The following SLC17A1 variants were observed in gnomAD, a reference collection of about 807,000 sequenced individuals.
SLC17A1 encodes the protein solute carrier family 17 member 1, also known as sodium-dependent phosphate transport protein 1.
SLC17A1 carries 51 observed loss-of-function variants against 53.5 expected under a neutral mutation model. The ratio of observed to expected loss-of-function variants is 0.95; its 90% CI spans 0.76 to 1.20. SLC17A1 has a LOEUF of 1.20. SLC17A1 is among the 50% of genes most tolerant of loss of function. The pLI, the probability that SLC17A1 is intolerant of heterozygous loss-of-function variation, is 0.00. For synonymous variants in SLC17A1, 179 were observed against 198.8 expected (o/e 0.90, Z 0.84); for missense variants, 538 against 568.2 (o/e 0.95, Z 0.54).
At chr6:25,813,267 T>C in intron 6 of SLC17A1, 54 bp from the exon 7 acceptor site, 1 of 1,402,672 alleles carries the variant, frequency 7.1e-7, no homozygotes, top group Non-Finnish European at 1.0e-6. Flanking sequence ...GTGGATCTCT[T>C]TCCCAGAATG....
the SLC17A1 span, among the ~76,000 whole-genome samples, chr6:25,756,426 C>T: frequency 6.6e-6 from 1 of 152,178 alleles, no homozygotes; most frequent in African/African-American, 2.4e-5. Flanking sequence ...CCCTCCTCTC[C>T]TGATGCTAAT....
At chr6:25,726,868 T>G in the SLC17A1 span, 1 of 1,573,250 alleles carries the variant, frequency 6.4e-7, no homozygotes, top group Non-Finnish European at 8.6e-7. Context: ...TGTGTAACCC[T>G]GGAAAAGAAC....
At position 25,811,510 on chromosome 6, in the gene SLC17A1, G is replaced by C; in HGVS notation, c.1066C>G (p.Pro356Ala). ...LLPAIFGVCL[P>A]YLSSTFYSIV... ...CTGTAGAAGGTGGAACTCAGGTAAGGCAGGCAGACACCAAAGATTGCAGGA... is the reference window on the plus strand; with the variant it reads ...CTGTAGAAGGTGGAACTCAGGTAAGCCAGGCAGACACCAAAGATTGCAGGA... Residue 356 changes from proline to alanine, a missense_variant, in exon 10 of 13, where the codon CCT (proline) becomes GCT (alanine). Transcript: ENST00000244527. The C allele has an allele frequency of 6.2e-7, 1 of 1,613,966 alleles. No individual in the cohort carries two copies. The highest frequency in any genetic ancestry group is 8.5e-7 in the Non-Finnish European group (1 of 1,179,906).
chr6:25,727,388 T>C, the SLC17A1 span: 5 of 1,085,922 alleles, frequency 4.6e-6, no homozygotes, highest in South Asian at 7.2e-5. Flanking sequence ...GTGTAGTTTC[T>C]AACCGTAAGG....
chr6:25,726,259 T>C, the SLC17A1 span: 31 of 1,614,004 alleles, frequency 1.9e-5, no homozygotes, highest in Admixed American at 2.0e-4. Context: ...TTCCTCATCA[T>C]TGCGGATCGC....
chr6:25,736,444 C>A, the SLC17A1 span, among the ~76,000 whole-genome samples: 4 of 151,918 alleles, frequency 2.6e-5, no homozygotes, highest in African/African-American at 4.8e-5. Context: ...TCAGGGTGTG[C>A]CAGAAGGGAT....
At chr6:25,777,370 G>A in the SLC17A1 span, 1 of 169,080 alleles carries the variant, frequency 5.9e-6, no homozygotes, top group Non-Finnish European at 1.3e-5. Flanking sequence ...AAAAACAGTT[G>A]ACTGAGACTT....
chr6:25,752,490 A>T, the SLC17A1 span, among the ~76,000 whole-genome samples: 6 of 152,168 alleles, frequency 3.9e-5, no homozygotes, highest in Non-Finnish European at 7.3e-5. Context: ...AGACTTTGTA[A>T]ACACTGTGCA....
chr6:25,752,633 C>T, the SLC17A1 span, among the ~76,000 whole-genome samples: 1 of 152,184 alleles, frequency 6.6e-6, no homozygotes, highest in East Asian at 1.9e-4. Flanking sequence ...GCTTAAAACA[C>T]AAACATATTG....
chr6:25,775,331 T>TA, the SLC17A1 span, among the ~76,000 whole-genome samples: 129,034 of 147,616 alleles, frequency 0.87, 56,603 homozygotes, highest in South Asian at 0.98. Flanking sequence ...AAACTCTGTC[T>TA]AAAAAAAAAA....
Position 25,819,872 on chromosome 6 carries a change from A to C in SLC17A1, c.251T>G (p.Leu84Trp), listed in dbSNP as rs1764490156. ...NWSPDIQGII[L>W]SSTSYGVIII... ...GATGACACCATAGGAGGTGGAACTC[A>C]AGATGATTCCCTGGATATCTGGGCT... Residue 84 changes from leucine (L) to tryptophan (W), a missense_variant, in exon 4 of 13, where the codon TTG becomes TGG. Leu to Trp is a moderately conservative substitution (Grantham distance 61, BLOSUM62 -2). Coordinates refer to ENST00000244527, the MANE Select transcript of SLC17A1 (RefSeq NM_005074.5). The C allele has an allele frequency of 6.2e-7, 1 of 1,613,666 alleles. No homozygotes were observed. The highest frequency in any genetic ancestry group is 8.5e-7 in the Non-Finnish European group (1 of 1,179,834).
rs1764160956 is a variant in SLC17A1, at chr6:25,811,618, A to T, written c.1030+20T>A. On this transcript the variant is annotated intron_variant, in intron 9 of 12. Transcript: ENST00000244527. ...GGAGAAGTATCTCCCAAGTGCTTAA[A>T]TGTTCTGGCTGTTGCTTACCTGCTG... 6.2e-7 allele frequency: 1 copy of T among 1,613,890 alleles called. No individual in the cohort carries two copies. The highest frequency in any genetic ancestry group is 1.7e-4 in the Middle Eastern group (1 of 6,058).
the SLC17A1 span, chr6:25,768,490 A>G: frequency 1.6e-6 from 1 of 633,004 alleles, no homozygotes; most frequent in Non-Finnish European, 2.0e-6. Context: ...TGATCTAACC[A>G]TAGCCTATCT....
At chr6:25,793,053 GC>G (rs752380844) in intron 12 of SLC17A1, among the ~76,000 whole-genome samples, 5 of 152,152 alleles carry the variant, frequency 3.3e-5, no homozygotes, top group Admixed American at 6.6e-5. Context: ...TGCAAACCAA[GC>G]TTTTGCCATG....
chr6:25,801,797 T>C (rs755034540), intron 10 of SLC17A1, among the ~76,000 whole-genome samples: 7 of 152,198 alleles, frequency 4.6e-5, no homozygotes, highest in Non-Finnish European at 8.8e-5. Context: ...CTGTTTTGTT[T>C]ATTAATTTGT....
At chr6:25,746,453 A>G in the SLC17A1 span, among the ~76,000 whole-genome samples, 6 of 152,210 alleles carry the variant, frequency 3.9e-5, no homozygotes, top group Admixed American at 3.3e-4. Flanking sequence ...TGGGCTCTTT[A>G]AAGTTTAAAG....
intron 6 of SLC17A1, among the ~76,000 whole-genome samples, chr6:25,818,149 A>T (rs1343513440): frequency 6.6e-6 from 1 of 152,182 alleles, no homozygotes; most frequent in Non-Finnish European, 1.5e-5. Flanking sequence ...GGCCAACAGA[A>T]ATTCCCGGCA....
At chr6:25,745,848 C>A in the SLC17A1 span, among the ~76,000 whole-genome samples, 5 of 152,302 alleles carry the variant, frequency 3.3e-5, no homozygotes, top group East Asian at 9.6e-4. Context: ...TTAGTTGTTT[C>A]TTTAGAGCTT....
chr6:25,770,014 AAAACTGTCAATCCTTCAACTAAAGAC>A, the SLC17A1 span: 1 of 1,557,746 alleles, frequency 6.4e-7, no homozygotes, highest in South Asian at 1.1e-5. Flanking sequence ...CCTCACAATG[AAAACTGTCAATCCTTCAACTAAAGAC>A]AAACAGTAAC....
Sources: allele counts gnomAD v4.1 joint callset (sites outside exome capture counted in the v4.1 genomes callset), GRCh38; gene constraint gnomAD v4.1.1; transcripts MANE v1.5; gene names NCBI Gene and HGNC (gene_info 2026-07-23, HGNC 2026-07-21).